BACE2: variants seen among roughly 807,000 people sequenced by gnomAD.
BACE2 encodes beta-secretase 2.
In BACE2, 17 loss-of-function variants were observed where a neutral mutation model predicts 46.2. The ratio of observed to expected loss-of-function variants is 0.37; its 90% CI spans 0.25 to 0.55. The LOEUF is 0.55. BACE2 is among the 20% of genes least tolerant of loss of function. BACE2 has a pLI of 0.82. For missense variants in BACE2, 595 were observed against 698.1 expected (o/e 0.85, Z 1.66); for synonymous variants, 277 against 295.9 (o/e 0.94, Z 0.66).
chr21:41,210,846 G>C (rs1379816712), intron 1 of BACE2, among the ~76,000 whole-genome samples: 1 of 152,186 alleles, frequency 6.6e-6, no homozygotes, highest in Admixed American at 6.5e-5. Context: ...CAATATGCGT[G>C]CATCAGGACC....
chr21:41,175,866 C>T (rs1601238588), intron 1 of BACE2: 1 of 152,140 alleles, frequency 6.6e-6, no homozygotes, highest in African/African-American at 2.4e-5. Flanking sequence ...CATCCAGAGC[C>T]CTTCCCACTA....
At position 41,241,833 on chromosome 21, in the gene BACE2, G is replaced by A; in HGVS notation, c.633G>A (p.Leu211=). ...YATLAKPSSS[L]ETFFDSLVTQ... is the part of the protein sequence containing the mutation. The stretch of plus-strand genomic sequence containing the variant: ...CCCTCCCGCAGCCATCAAGTTCTCT[G>A]GAGACCTTCTTCGACTCCCTGGTGA... Residue 211 remains leucine (L), a synonymous_variant, in exon 4 of 9, where the codon CTG becomes CTA. Coordinates refer to ENST00000330333, the MANE Select transcript of BACE2 (RefSeq NM_012105.5). 1.2e-6 allele frequency: 2 copies of A among 1,614,150 alleles called. No individual in the cohort carries two copies. The highest frequency in any genetic ancestry group is 8.5e-7 in the Non-Finnish European group (1 of 1,180,018).
chr21:41,213,387 C>T (rs1192730025), intron 1 of BACE2, among the ~76,000 whole-genome samples: 2 of 152,256 alleles, frequency 1.3e-5, no homozygotes, highest in East Asian at 3.9e-4. Flanking sequence ...ATCGTTTACT[C>T]TCAGCCAGCA....
chr21:41,179,042 C>T, intron 1 of BACE2: 1 of 1,102,518 alleles, frequency 9.1e-7, no homozygotes, highest in Non-Finnish European at 1.2e-6. Context: ...GTGTCCCAGG[C>T]TGCAGCCAGG....
intron 1 of BACE2, among the ~76,000 whole-genome samples, chr21:41,171,612 T>G (rs1320418175): frequency 6.6e-6 from 1 of 152,218 alleles, no homozygotes; most frequent in Non-Finnish European, 1.5e-5. Flanking sequence ...GCTTGAACCG[T>G]GCAATTTGGT....
At chr21:41,232,000 G>C (rs968352401) in intron 2 of BACE2, among the ~76,000 whole-genome samples, 10 of 150,190 alleles carry the variant, frequency 6.7e-5, no homozygotes, top group Non-Finnish European at 1.3e-4. Context: ...CAGAGAATAT[G>C]AATATGAACT....
intron 3 of BACE2, among the ~76,000 whole-genome samples, chr21:41,238,954 TAAAAAAA>T (rs34474586): frequency 1.2e-5 from 1 of 85,658 alleles, no homozygotes; most frequent in Admixed American, 1.3e-4. Flanking sequence ...AAAGTATAAT[TAAAAAAA>T]AAAAAAAAAA....
intron 7 of BACE2, among the ~76,000 whole-genome samples, chr21:41,255,969 G>T (rs1987776084): frequency 6.6e-6 from 1 of 152,036 alleles, no homozygotes; most frequent in Admixed American, 6.5e-5. Context: ...GTTGTCTCTT[G>T]TGAGAAAAAT....
intron 8 of BACE2, among the ~76,000 whole-genome samples, chr21:41,273,585 C>T (rs1484491442): frequency 6.6e-6 from 1 of 152,238 alleles, no homozygotes; most frequent in Non-Finnish European, 1.5e-5. Context: ...GTTCCCTGAA[C>T]ATTGCTGTTA....
chr21:41,223,578 C>T (rs1156975343), intron 1 of BACE2, among the ~76,000 whole-genome samples: 3 of 152,154 alleles, frequency 2.0e-5, no homozygotes, highest in African/African-American at 7.2e-5. Flanking sequence ...GTCTGCTTTC[C>T]GTGCATTTTC....
In BACE2 at chr21:41,275,771, A is replaced by G; in HGVS notation, c.*147A>G. 1.1e-6 allele frequency: 1 copy of G among 896,926 alleles called. No individual in the cohort carries two copies. Among genetic ancestry groups the G allele is most frequent in the Non-Finnish European group, 1.6e-6 (1 of 609,606 alleles). The allele number at this position is 896,926 out of a possible 1,614,324, so 55.6% of individuals were successfully genotyped here. A position where few individuals can be genotyped will look rare whatever the true frequency, so the allele number is the denominator to read the frequency against. On this transcript the variant is annotated 3_prime_UTR_variant, in exon 9 of 9. Transcript: ENST00000330333. ...CTGCTCCCAGATGCCTTCTAGATTC[A>G]CTGTCTTTTGATTCTTGATTTTCAA...
At chr21:41,270,601 G>A (rs1363842678) in intron 8 of BACE2, among the ~76,000 whole-genome samples, 1 of 152,148 alleles carries the variant, frequency 6.6e-6, no homozygotes, top group Non-Finnish European at 1.5e-5. Context: ...GTGTTATTTA[G>A]TTTCCAAATA....
At chr21:41,224,848 A>G (rs1230060485) in intron 1 of BACE2, among the ~76,000 whole-genome samples, 2 of 152,170 alleles carry the variant, frequency 1.3e-5, no homozygotes, top group Non-Finnish European at 2.9e-5. Context: ...GAGCACATAA[A>G]CCAAATGGCC....
intron 8 of BACE2, among the ~76,000 whole-genome samples, chr21:41,260,670 A>T (rs1206846745): frequency 6.6e-6 from 1 of 152,312 alleles, no homozygotes; most frequent in East Asian, 1.9e-4. Flanking sequence ...AGAGAGCATG[A>T]CGGGGCACCC....
rs535749920 is a variant in BACE2 at position 41,208,217 on chromosome 21, A to T, written c.313-18049A>T. 2.6e-5 allele frequency among the ~76,000 whole-genome samples: 4 copies of T among 152,330 alleles called. No individual in the cohort carries two copies. In the East Asian group the frequency reaches 7.7e-4, roughly 29 times the overall value. On this transcript the variant is annotated intron_variant, in intron 1 of 8. Transcript: ENST00000330333. ...CTTTCTAAGGGTGGTGGCCTACAGG[A>T]TTAGTTTCTCTTTCTCTTCCAAGTG...
At chr21:41,176,973 A>G (rs546196833) in intron 1 of BACE2, 2 of 152,352 alleles carry the variant, frequency 1.3e-5, no homozygotes, top group Non-Finnish European at 2.9e-5. Context: ...TTGTTGCCCA[A>G]GTAACTGCAA....
At chr21:41,237,798 G>A (rs1380249506) in intron 3 of BACE2, 69 bp downstream of exon 3, 5 of 1,335,592 alleles carry the variant, frequency 3.7e-6, no homozygotes, top group Non-Finnish European at 5.3e-6. Flanking sequence ...GTCATTAAAG[G>A]GCTGACACAT....
At chr21:41,227,574 T>A (rs1283539729) in intron 2 of BACE2, among the ~76,000 whole-genome samples, 3 of 152,190 alleles carry the variant, frequency 2.0e-5, no homozygotes, top group Non-Finnish European at 4.4e-5. Flanking sequence ...CCATAAATGA[T>A]GGGGCCTCCT....
chr21:41,232,956 C>G (rs1406510158), intron 2 of BACE2, among the ~76,000 whole-genome samples: 2 of 151,460 alleles, frequency 1.3e-5, no homozygotes, highest in Non-Finnish European at 2.9e-5. Context: ...GCAAGCTCCA[C>G]CTCCCGGGTT....
Sources: gnomAD v4.1 joint callset for allele counts (sites outside exome capture counted in the v4.1 genomes callset) on GRCh38, gnomAD v4.1.1 for gene constraint, MANE v1.5 for transcripts, NCBI Gene and HGNC (gene_info 2026-07-23, HGNC 2026-07-21) for gene names.